Variants in THRB observed in about 807,000 individuals in gnomAD.
The protein encoded by THRB is thyroid hormone receptor beta.
Under a neutral mutation model 47.8 loss-of-function variants are expected in THRB, and 12 were observed. The observed-to-expected ratio is 0.25, with a 90% CI of 0.16 to 0.41. THRB has a LOEUF of 0.41. Ranked by LOEUF, THRB falls within the 10% of genes least tolerant of loss-of-function variation. THRB has a pLI of 1.00. For synonymous variants in THRB, 218 were observed against 212.2 expected, an observed-to-expected ratio of 1.03 and a Z score of -0.24; for missense variants, 348 against 589.2, an observed-to-expected ratio of 0.59 and a Z score of 4.24.
Position 24,216,603 on chromosome 3 carries a change from GC to G in THRB, c.22+12334del, listed in dbSNP as rs1337676667. ...AGCCTTGGTGACAGAGCGAGACTCC[GC>G]CTCAAAAAAAAAAATATATGAATTG... On this transcript the variant is annotated intron_variant, in intron 4 of 10. Coordinates refer to ENST00000646209, the MANE Select transcript of THRB (RefSeq NM_001354712.2). Among the ~76,000 whole-genome samples, 12 of 148,788 alleles carry G rather than the reference GC, an allele frequency of 8.1e-5. No individual in the cohort carries two copies. The South Asian group carries it at 2.3e-3, about 29-fold the overall frequency.
intron 1 of THRB, among the ~76,000 whole-genome samples, chr3:24,380,456 C>G (rs973489863): frequency 2.0e-5 from 3 of 151,962 alleles, no homozygotes; most frequent in African/African-American, 7.2e-5. Flanking sequence ...ACTCCATTTA[C>G]TACTTCTTTG....
At chr3:24,475,455 T>C (rs1695306792) in intron 1 of THRB, among the ~76,000 whole-genome samples, 2 of 152,260 alleles carry the variant, frequency 1.3e-5, no homozygotes, top group Middle Eastern at 3.4e-3. Flanking sequence ...ATGTTAGAAT[T>C]GTTTTTCTGT....
chr3:24,476,279 C>T (rs1256699577), intron 1 of THRB, among the ~76,000 whole-genome samples: 1 of 152,192 alleles, frequency 6.6e-6, no homozygotes, highest in East Asian at 1.9e-4. Flanking sequence ...TGAAGAGCAA[C>T]TTGGTTTTCT....
At chr3:24,196,820 C>T (rs768400511) in intron 4 of THRB, among the ~76,000 whole-genome samples, 31 of 152,184 alleles carry the variant, frequency 2.0e-4, no homozygotes, top group Admixed American at 1.8e-3. Flanking sequence ...GTTTGCCTGA[C>T]CATCATTTTA....
intron 3 of THRB, among the ~76,000 whole-genome samples, chr3:24,242,335 A>G (rs1161873700): frequency 6.6e-6 from 1 of 152,150 alleles, no homozygotes; most frequent in Non-Finnish European, 1.5e-5. Flanking sequence ...TTTTCCGAAC[A>G]ATAGAACCAG....
intron 1 of THRB, among the ~76,000 whole-genome samples, chr3:24,468,541 C>G (rs986172419): frequency 2.0e-5 from 3 of 152,162 alleles, no homozygotes; most frequent in African/African-American, 4.8e-5. Flanking sequence ...GGGTTACTAA[C>G]TGGCCTAATT....
intron 1 of THRB, among the ~76,000 whole-genome samples, chr3:24,415,955 T>A (rs1250404888): frequency 1.3e-5 from 2 of 151,820 alleles, no homozygotes. Context: ...ACCACTAATC[T>A]AGACTCATGA....
At chr3:24,456,078 C>T (rs538917629) in intron 1 of THRB, among the ~76,000 whole-genome samples, 1 of 152,232 alleles carries the variant, frequency 6.6e-6, no homozygotes, top group South Asian at 2.1e-4. Flanking sequence ...CCTATTATCC[C>T]AGCACTTTGG....
In THRB at chr3:24,203,282, C is replaced by A. The variant is rs556106026; in HGVS notation, c.23-12948G>T. Among the ~76,000 whole-genome samples the A allele has an allele frequency of 8.5e-5, 13 of 152,210 alleles. No homozygotes were observed. In the South Asian group the frequency reaches 2.3e-3, roughly 27 times the overall value. On this transcript the variant is annotated intron_variant, in intron 4 of 10. Transcript: ENST00000646209. ...ACAAAAAATTAGCTGGGTGTGGTGG[C>A]ACACACCTGTGGTCCCAGCCACTTA...
At chr3:24,297,051 A>G (rs1365045138) in intron 3 of THRB, among the ~76,000 whole-genome samples, 175 bp downstream of exon 3, 1 of 152,228 alleles carries the variant, frequency 6.6e-6, no homozygotes, top group Non-Finnish European at 1.5e-5. Flanking sequence ...CACAAGGCAT[A>G]TCTGAGGGAA....
At chr3:24,339,922 A>G (rs181206492) in intron 1 of THRB, among the ~76,000 whole-genome samples, 1 of 152,204 alleles carries the variant, frequency 6.6e-6, no homozygotes, top group Non-Finnish European at 1.5e-5. Context: ...GAGCACAAAT[A>G]TATTAACAGT....
chr3:24,486,454 T>A (rs540689769), intron 1 of THRB: 1 of 152,248 alleles, frequency 6.6e-6, no homozygotes, highest in Admixed American at 6.5e-5. Context: ...ACGGACAGAC[T>A]CCAGAAGAAA....
chr3:24,159,642 A>T (rs2038450781), intron 5 of THRB, among the ~76,000 whole-genome samples: 1 of 152,076 alleles, frequency 6.6e-6, no homozygotes, highest in Non-Finnish European at 1.5e-5. Flanking sequence ...CTTCACCATT[A>T]ATGCAGTGGT....
intron 1 of THRB, among the ~76,000 whole-genome samples, chr3:24,487,944 T>C (rs1036558744): frequency 3.3e-5 from 5 of 152,012 alleles, no homozygotes; most frequent in Admixed American, 2.0e-4. Context: ...GAGAAACAAA[T>C]GGCAAAGGGA....
intron 1 of THRB, among the ~76,000 whole-genome samples, chr3:24,363,573 G>C (rs2064228418): frequency 6.6e-6 from 1 of 152,066 alleles, no homozygotes. Flanking sequence ...AGGGATAGAA[G>C]ATTAAAATAT....
intron 5 of THRB, among the ~76,000 whole-genome samples, chr3:24,161,653 C>CACACACACAG (rs1553624053): frequency 2.0e-5 from 3 of 150,598 alleles, no homozygotes; most frequent in Non-Finnish European, 4.4e-5. Flanking sequence ...CACACACACA[C>CACACACACAG]AGACAGAATT....
chr3:24,205,393 C>T (rs1480655763), intron 4 of THRB, among the ~76,000 whole-genome samples: 4 of 152,122 alleles, frequency 2.6e-5, no homozygotes, highest in African/African-American at 9.7e-5. Context: ...TCATATCCAG[C>T]CAAACTAAGC....
chr3:24,236,056 T>G (rs1576190917), intron 3 of THRB, among the ~76,000 whole-genome samples: 1 of 152,116 alleles, frequency 6.6e-6, no homozygotes, highest in African/African-American at 2.4e-5. Context: ...TCCCCCTAGG[T>G]GGGCTGCACC....
intron 1 of THRB, among the ~76,000 whole-genome samples, chr3:24,392,349 A>G (rs904570960): frequency 4.0e-4 from 61 of 152,266 alleles, no homozygotes; most frequent in African/African-American, 1.3e-3. Flanking sequence ...TGAGATATCC[A>G]TCACCTCAAA....
Sources: allele counts gnomAD v4.1 joint callset (sites outside exome capture counted in the v4.1 genomes callset), GRCh38; gene constraint gnomAD v4.1.1; transcripts MANE v1.5; gene names NCBI Gene and HGNC (gene_info 2026-07-23, HGNC 2026-07-21).